LRFN5: variants seen among roughly 807,000 people sequenced by gnomAD.
LRFN5 encodes leucine-rich repeat and fibronectin type-III domain-containing protein 5.
LRFN5 carries 24 observed loss-of-function variants against 45.6 expected under a neutral mutation model. The observed-to-expected ratio is 0.53, with a 90% CI of 0.38 to 0.74. The LOEUF (loss-of-function observed/expected upper bound fraction) is 0.74, where lower values mean the gene tolerates loss of function less well. Among genes scored for constraint, LRFN5 ranks in the 30% least tolerant of loss-of-function variants. LRFN5 has a pLI of 0.00. For missense variants in LRFN5, 776 were observed against 861.5 expected (o/e 0.90, Z 1.24); for synonymous variants, 340 against 313.8 (o/e 1.08, Z -0.88).
intron 2 of LRFN5, among the ~76,000 whole-genome samples, chr14:41,850,254 C>T (rs1246671126): frequency 1.3e-5 from 2 of 151,726 alleles, no homozygotes; most frequent in African/African-American, 2.4e-5. Flanking sequence ...ATGTCTGACA[C>T]GTACACAATA....
chr14:41,738,491 C>A (rs1884545232), intron 1 of LRFN5, among the ~76,000 whole-genome samples: 1 of 152,182 alleles, frequency 6.6e-6, no homozygotes, highest in South Asian at 2.1e-4. Context: ...CCAAAATTGA[C>A]AAATGGGATC....
Position 41,887,165 on chromosome 14 carries a change from C to G in LRFN5, c.540C>G (p.His180Gln). 6.2e-7 allele frequency: 1 copy of G among 1,613,990 alleles called. No homozygotes were observed. The highest frequency in any genetic ancestry group is 8.5e-7 in the Non-Finnish European group (1 of 1,179,980). ...GCTTGCATACCCTTAGTTTGGATCA[C>G]AATATGATTGATAACATTCCTAAGG... ...MVSLHTLSLD[H>Q]NMIDNIPKGT... The change falls in exon 3 of 6, where the codon CAC (histidine) becomes CAG (glutamine). Residue 180 changes from histidine (H) to glutamine (Q), a missense_variant. By Grantham distance (24) the His-to-Gln change is conservative. This residue lies in a region of LRFN5 where 311 missense variants were observed against 405.1 expected (regional missense o/e 0.77). Coordinates refer to ENST00000298119, the MANE Select transcript of LRFN5 (RefSeq NM_152447.5). This position sits in a 1 kb window ranked among gnomAD's most constrained non-coding sequence, Gnocchi z 4.8.
intron 5 of LRFN5, among the ~76,000 whole-genome samples, chr14:41,901,461 TG>T (rs1462597520): frequency 1.1e-4 from 16 of 151,710 alleles, no homozygotes; most frequent in African/African-American, 3.2e-4. Flanking sequence ...TGTGTGTGTG[TG>T]TGTGTAGCTT....
intron 1 of LRFN5, among the ~76,000 whole-genome samples, chr14:41,670,636 A>G (rs1881163406): frequency 6.6e-6 from 1 of 151,774 alleles, no homozygotes; most frequent in Non-Finnish European, 1.5e-5. Context: ...ATTTTTTTGA[A>G]ATTCATCTTT....
At chr14:41,824,742 C>T (rs1384258301) in intron 2 of LRFN5, among the ~76,000 whole-genome samples, 1 of 152,068 alleles carries the variant, frequency 6.6e-6, no homozygotes, top group Non-Finnish European at 1.5e-5. Context: ...ATGCCTGATG[C>T]CCTGAGTTTC....
chr14:41,620,655 A>T (rs1400707573), intron 1 of LRFN5, among the ~76,000 whole-genome samples: 1 of 149,330 alleles, frequency 6.7e-6, no homozygotes, highest in Admixed American at 6.7e-5. Flanking sequence ...TTAAATAGCT[A>T]TGTGAGTATA....
chr14:41,812,089 T>G (rs1887756706), intron 2 of LRFN5, among the ~76,000 whole-genome samples: 1 of 152,076 alleles, frequency 6.6e-6, no homozygotes, highest in Non-Finnish European at 1.5e-5. Context: ...TCTAGGACAT[T>G]ACACAGAAGG....
intron 1 of LRFN5, among the ~76,000 whole-genome samples, chr14:41,750,033 CAT>C (rs553361389): frequency 4.6e-5 from 7 of 152,010 alleles, no homozygotes; most frequent in Admixed American, 4.6e-4. Context: ...TATATTAAAA[CAT>C]ATTTTCTGTT....
intron 2 of LRFN5, among the ~76,000 whole-genome samples, chr14:41,823,556 T>C (rs897231584): frequency 1.3e-5 from 2 of 152,146 alleles, no homozygotes; most frequent in African/African-American, 4.8e-5. Context: ...TACATCCTCA[T>C]GTGTTGCTGG....
intron 1 of LRFN5, among the ~76,000 whole-genome samples, chr14:41,649,671 C>A (rs1284644585): frequency 6.6e-6 from 1 of 152,144 alleles, no homozygotes; most frequent in Non-Finnish European, 1.5e-5. Context: ...TCCTCCACAT[C>A]CCCAAATGAC....
chr14:41,773,608 A>T (rs1489173804), intron 2 of LRFN5, among the ~76,000 whole-genome samples: 1 of 151,878 alleles, frequency 6.6e-6, no homozygotes, highest in African/African-American at 2.4e-5. Flanking sequence ...TCTGCAGATT[A>T]ATACGACTGG....
intron 1 of LRFN5, among the ~76,000 whole-genome samples, chr14:41,654,397 AGTATGTACATAGTGCATATTT>A (rs1880277958): frequency 2.0e-5 from 3 of 152,072 alleles, no homozygotes; most frequent in Admixed American, 2.0e-4. Context: ...GCATGTACAT[AGTATGTACATAGTGCATATTT>A]GTATGTACAT....
chr14:41,632,288 C>T (rs1434836034), intron 1 of LRFN5, among the ~76,000 whole-genome samples: 1 of 152,064 alleles, frequency 6.6e-6, no homozygotes, highest in Non-Finnish European at 1.5e-5. Flanking sequence ...ATATGTTAAT[C>T]TCATAACGGC....
intron 1 of LRFN5, among the ~76,000 whole-genome samples, chr14:41,732,291 T>C (rs752939408): frequency 6.6e-6 from 1 of 152,274 alleles, no homozygotes; most frequent in Non-Finnish European, 1.5e-5. Flanking sequence ...GACGAGGCAG[T>C]GGCCGTTATT....
intron 2 of LRFN5, among the ~76,000 whole-genome samples, chr14:41,798,356 T>A (rs2138962083): frequency 6.6e-6 from 1 of 152,114 alleles, no homozygotes. Flanking sequence ...AATCCAGGAT[T>A]TATGGTACCT....
chr14:41,666,165 ATT>A (rs1166309514), intron 1 of LRFN5, among the ~76,000 whole-genome samples: 7 of 151,984 alleles, frequency 4.6e-5, no homozygotes, highest in African/African-American at 1.7e-4. Flanking sequence ...TCTTATCTGA[ATT>A]TGTCTAGGTA....
At chr14:41,679,609 C>T (rs993482787) in intron 1 of LRFN5, among the ~76,000 whole-genome samples, 1 of 152,032 alleles carries the variant, frequency 6.6e-6, no homozygotes, top group Non-Finnish European at 1.5e-5. Flanking sequence ...AGCAGTGGTA[C>T]CCAGGTAGTG....
chr14:41,702,561 T>C (rs61990315), intron 1 of LRFN5, among the ~76,000 whole-genome samples: 35,610 of 151,916 alleles, frequency 0.23, 4,316 homozygotes, highest in Non-Finnish European at 0.28. Context: ...CTCCTGGGTT[T>C]CAGGGATTCT....
intron 1 of LRFN5, among the ~76,000 whole-genome samples, chr14:41,641,682 G>GTAATATC (rs2138599105): frequency 6.6e-6 from 1 of 151,998 alleles, no homozygotes; most frequent in South Asian, 2.1e-4. Flanking sequence ...CAGATCCATG[G>GTAATATC]TGTCCCAAAC....
Sources: allele counts gnomAD v4.1 joint callset (sites outside exome capture counted in the v4.1 genomes callset), GRCh38; gene constraint gnomAD v4.1.1; regional missense constraint gnomAD v4.1.1; non-coding constraint Gnocchi (gnomAD v3.1); transcripts MANE v1.5; gene names NCBI Gene and HGNC (gene_info 2026-07-23, HGNC 2026-07-21).